Variants in PTPRD observed in about 807,000 individuals in gnomAD.
PTPRD encodes protein tyrosine phosphatase receptor type D.
PTPRD carries 34 observed loss-of-function variants against 214.5 expected under a neutral mutation model. That is an observed-to-expected ratio of 0.16 (90% CI 0.12 to 0.21). PTPRD has a LOEUF of 0.21. Among genes scored for constraint, PTPRD ranks in the 10% least tolerant of loss-of-function variants. The pLI, the probability that PTPRD is intolerant of heterozygous loss-of-function variation, is 1.00. For synonymous variants in PTPRD, 1,128 were observed against 845.7 expected (o/e 1.33, Z -5.79); for missense variants, 2,545 against 2,398.7 (o/e 1.06, Z -1.27).
chr9:8,782,809 T>C (rs2095787851), intron 11 of PTPRD, among the ~76,000 whole-genome samples: 1 of 152,078 alleles, frequency 6.6e-6, no homozygotes, highest in Non-Finnish European at 1.5e-5. Flanking sequence ...TTGGTCAGGC[T>C]GGTCTCGAAC....
At chr9:9,263,684 C>G (rs1337398644) in intron 9 of PTPRD, among the ~76,000 whole-genome samples, 1 of 151,548 alleles carries the variant, frequency 6.6e-6, no homozygotes, top group African/African-American at 2.4e-5. Flanking sequence ...CTGCTAGCCA[C>G]AGAAGATATT....
chr9:10,060,387 A>ACCT (rs1567399092), intron 3 of PTPRD, among the ~76,000 whole-genome samples: 6 of 152,068 alleles, frequency 3.9e-5, no homozygotes, highest in Non-Finnish European at 7.4e-5. Flanking sequence ...CCGTTAAAAT[A>ACCT]ACACAACGCT....
At chr9:8,753,688 G>GT (rs1211463954) in intron 11 of PTPRD, among the ~76,000 whole-genome samples, 1 of 152,026 alleles carries the variant, frequency 6.6e-6, no homozygotes, top group Non-Finnish European at 1.5e-5. Flanking sequence ...GAATAATTAG[G>GT]TATTTCTTAA....
chr9:8,718,369 T>C (rs2098458329), intron 12 of PTPRD, among the ~76,000 whole-genome samples: 3 of 152,182 alleles, frequency 2.0e-5, no homozygotes, highest in Admixed American at 2.0e-4. Context: ...ATAATACCCC[T>C]CGTTTCCCTC....
chr9:9,244,425 G>T (rs913202357), intron 9 of PTPRD, among the ~76,000 whole-genome samples: 2 of 152,056 alleles, frequency 1.3e-5, no homozygotes, highest in East Asian at 1.9e-4. Context: ...CATGGTACTG[G>T]TACCAATACA....
At chr9:8,450,333 TA>T (rs2095886518) in intron 33 of PTPRD, among the ~76,000 whole-genome samples, 1 of 152,152 alleles carries the variant, frequency 6.6e-6, no homozygotes. Flanking sequence ...GATTTTCCCA[TA>T]AGGCAGGTAA....
intron 37 of PTPRD, among the ~76,000 whole-genome samples, chr9:8,388,504 A>T (rs912947820): frequency 4.6e-5 from 7 of 152,152 alleles, no homozygotes; most frequent in Non-Finnish European, 1.0e-4. Context: ...CAAAATGTAC[A>T]CATGTACTCA....
At chr9:9,428,049 T>C (rs752389358) in intron 8 of PTPRD, among the ~76,000 whole-genome samples, 4 of 152,092 alleles carry the variant, frequency 2.6e-5, no homozygotes, top group Non-Finnish European at 5.9e-5. Context: ...CAGGATCAAA[T>C]TCACCCATAA....
At chr9:10,446,260 G>A (rs1458226545) in intron 2 of PTPRD, among the ~76,000 whole-genome samples, 1 of 151,818 alleles carries the variant, frequency 6.6e-6, no homozygotes, top group African/African-American at 2.4e-5. Flanking sequence ...TATGTTGAGA[G>A]GAAAGAAGTG....
intron 9 of PTPRD, among the ~76,000 whole-genome samples, chr9:9,218,707 G>T (rs1463718930): frequency 6.6e-6 from 1 of 152,068 alleles, no homozygotes; most frequent in Non-Finnish European, 1.5e-5. Flanking sequence ...AACTAAATCT[G>T]GGACTTTTGT....
chr9:9,182,053 G>C (rs781406700), intron 10 of PTPRD, among the ~76,000 whole-genome samples: 1 of 151,972 alleles, frequency 6.6e-6, no homozygotes, highest in Non-Finnish European at 1.5e-5. Context: ...AATTTGACTG[G>C]GGGTATCCAA....
rs577679049 is a variant in PTPRD, at chr9:8,998,750, A to C, written c.-104+19947T>G. ...GCAAAGTAAATCTAAAACCTTCTGGAAAGTATTCACTAGTCTACATGCCAT... is the reference window on the plus strand; with the variant it reads ...GCAAAGTAAATCTAAAACCTTCTGGCAAGTATTCACTAGTCTACATGCCAT... On this transcript the variant is annotated intron_variant, in intron 11 of 45. Coordinates refer to ENST00000381196, the MANE Select transcript of PTPRD (RefSeq NM_002839.4). Among the ~76,000 whole-genome samples, 5 of 152,186 alleles carry C rather than the reference A, an allele frequency of 3.3e-5. No homozygotes were observed. In the South Asian group the frequency reaches 1.0e-3, roughly 32 times the overall value.
intron 10 of PTPRD, among the ~76,000 whole-genome samples, chr9:9,151,340 T>A (rs2099876572): frequency 6.6e-6 from 1 of 152,084 alleles, no homozygotes; most frequent in Non-Finnish European, 1.5e-5. Flanking sequence ...GTTTCCCAGA[T>A]CCCAGGAACT....
At chr9:9,744,937 C>T (rs1351999920) in intron 6 of PTPRD, among the ~76,000 whole-genome samples, 1 of 151,970 alleles carries the variant, frequency 6.6e-6, no homozygotes, top group Non-Finnish European at 1.5e-5. Flanking sequence ...GGAATATTAT[C>T]TACACATCAG....
At chr9:9,441,793 A>T (rs913555798) in intron 8 of PTPRD, among the ~76,000 whole-genome samples, 1 of 152,162 alleles carries the variant, frequency 6.6e-6, no homozygotes, top group Non-Finnish European at 1.5e-5. Context: ...GTACAGTGCT[A>T]TTTGATTACC....
chr9:8,867,634 T>C (rs1314363841), intron 11 of PTPRD, among the ~76,000 whole-genome samples: 1 of 152,238 alleles, frequency 6.6e-6, no homozygotes, highest in Non-Finnish European at 1.5e-5. Context: ...AGTTTTCAGA[T>C]ATGTGCTGGG....
rs1345391968 is a variant in PTPRD at position 10,297,123 on chromosome 9, A to T, written c.-545+43840T>A. 7.5e-5 allele frequency among the ~76,000 whole-genome samples: 11 copies of T among 146,554 alleles called. No individual in the cohort carries two copies. The South Asian group carries it at 1.7e-3, about 22-fold the overall frequency. On this transcript the variant is annotated intron_variant, in intron 3 of 45. Transcript: ENST00000381196. ...AAATTTTATATATATATATATATAA[A>T]ATATATATATATTTTTATTATACTT...
intron 14 of PTPRD, among the ~76,000 whole-genome samples, chr9:8,626,755 A>G (rs2096055535): frequency 6.6e-6 from 1 of 151,602 alleles, no homozygotes; most frequent in African/African-American, 2.4e-5. Flanking sequence ...AATCTGAAAC[A>G]TCAGCTCTTC....
At chr9:10,295,062 T>A (rs761043101) in intron 3 of PTPRD, among the ~76,000 whole-genome samples, 6 of 152,016 alleles carry the variant, frequency 3.9e-5, no homozygotes, top group Non-Finnish European at 5.9e-5. Flanking sequence ...TCGTTGAACA[T>A]CTTTACAAAA....
Sources: allele counts gnomAD v4.1 joint callset (sites outside exome capture counted in the v4.1 genomes callset), GRCh38; gene constraint gnomAD v4.1.1; transcripts MANE v1.5; gene names NCBI Gene and HGNC (gene_info 2026-07-23, HGNC 2026-07-21).